LRBA: variants seen among roughly 807,000 people sequenced by gnomAD.
The protein encoded by LRBA is LPS responsive beige-like anchor protein.
Under a neutral mutation model 330.0 loss-of-function variants are expected in LRBA, and 176 were observed. That is an observed-to-expected ratio of 0.53 (90% confidence interval 0.47 to 0.60). The LOEUF (loss-of-function observed/expected upper bound fraction) is 0.60, where lower values mean the gene tolerates loss of function less well. Ranked by LOEUF, LRBA falls within the 20% of genes least tolerant of loss-of-function variation. The pLI, the probability that LRBA is intolerant of heterozygous loss-of-function variation, is 0.00. For synonymous variants in LRBA, 1,230 were observed against 1,193.0 expected (o/e 1.03, Z -0.64); for missense variants, 3,259 against 3,444.8 (o/e 0.95, Z 1.35).
chr4:151,014,898 T>C (rs1745253190), intron 1 of LRBA, 37 bp from the exon 2 acceptor site: 1 of 434,500 alleles, frequency 2.3e-6, no homozygotes, highest in Admixed American at 3.7e-5. Flanking sequence ...ATAGGCTAGG[T>C]TTTGTTTTAG....
chr4:150,579,804 C>T (rs1396337986), intron 40 of LRBA: 2 of 445,094 alleles, frequency 4.5e-6, no homozygotes, highest in Non-Finnish European at 9.1e-6. Context: ...ACCCCTGAGG[C>T]TGTTTGCAAA....
intron 2 of LRBA, among the ~76,000 whole-genome samples, chr4:150,962,461 T>C (rs1738254463): frequency 6.7e-6 from 1 of 148,972 alleles, no homozygotes; most frequent in African/African-American, 2.6e-5. Flanking sequence ...CCAGCTACAG[T>C]AAGCTGTGAT....
intron 52 of LRBA, among the ~76,000 whole-genome samples, chr4:150,309,069 G>C (rs1412513573): frequency 6.6e-6 from 1 of 152,000 alleles, no homozygotes; most frequent in Non-Finnish European, 1.5e-5. Flanking sequence ...TTCATTCATG[G>C]GAAGTGCCCT....
At chr4:150,825,957 C>A (rs1746202832) in intron 30 of LRBA, among the ~76,000 whole-genome samples, 1 of 151,984 alleles carries the variant, frequency 6.6e-6, no homozygotes, top group Admixed American at 6.6e-5. Context: ...ACTGCAGTGA[C>A]ACCAGGAGGC....
intron 37 of LRBA, among the ~76,000 whole-genome samples, chr4:150,643,296 G>A (rs1778849762): frequency 6.6e-6 from 1 of 151,614 alleles, no homozygotes; most frequent in African/African-American, 2.4e-5. Context: ...GTAAACAGAA[G>A]AAATTAGCAA....
At chr4:150,708,377 T>C (rs1366240432) in intron 36 of LRBA, among the ~76,000 whole-genome samples, 2 of 151,864 alleles carry the variant, frequency 1.3e-5, no homozygotes, top group Non-Finnish European at 3.0e-5. Context: ...AATTTATTTT[T>C]ATCTTTTCAA....
chr4:150,710,860 G>C (rs142755414), intron 36 of LRBA, among the ~76,000 whole-genome samples: 51 of 151,694 alleles, frequency 3.4e-4, no homozygotes, highest in African/African-American at 1.1e-3. Context: ...TACACTTTAC[G>C]TCTCTGCTTG....
intron 38 of LRBA, among the ~76,000 whole-genome samples, chr4:150,591,179 AG>A (rs1772783655): frequency 6.6e-6 from 1 of 152,218 alleles, no homozygotes; most frequent in Admixed American, 6.5e-5. Flanking sequence ...ATTCATTAAT[AG>A]GAACAATCAA....
intron 36 of LRBA, among the ~76,000 whole-genome samples, chr4:150,732,356 T>A (rs1470535073): frequency 6.6e-6 from 1 of 152,104 alleles, no homozygotes; most frequent in East Asian, 1.9e-4. Flanking sequence ...TGTAATTTTT[T>A]AATAGCTATG....
rs1169913201 is a variant in LRBA, at chr4:150,900,105, T to G, written c.1868A>C (p.Tyr623Ser). The G allele has an allele frequency of 3.7e-6, 6 of 1,613,362 alleles. No individual in the cohort carries two copies. Among genetic ancestry groups the G allele is most frequent in the Non-Finnish European group, 5.1e-6 (6 of 1,179,448 alleles). ...CTGAGGATTCACTGCCCAGTAGTAG[T>G]ACTTCAGCGTGTGCATGATGAGAAG... ...TVLLIMHTLK[Y>S]YYWAVNPQDR... is the part of the protein sequence containing the mutation. Residue 623 changes from tyrosine to serine, a missense_variant, in exon 14 of 57, where the codon TAC (tyrosine) becomes TCC (serine). Transcript: ENST00000651943.
At chr4:150,349,910 A>G in intron 48 of LRBA, 82 bp downstream of exon 48, 7 of 1,208,258 alleles carry the variant, frequency 5.8e-6, no homozygotes, top group Middle Eastern at 4.0e-4. Context: ...ACTAAAATCA[A>G]AGGATGGGGG....
intron 48 of LRBA, among the ~76,000 whole-genome samples, chr4:150,335,998 G>A (rs561226809): frequency 6.6e-6 from 1 of 152,338 alleles, no homozygotes; most frequent in African/African-American, 2.4e-5. Context: ...GCCTGGCGAA[G>A]CCACTGTGCT....
intron 47 of LRBA, among the ~76,000 whole-genome samples, chr4:150,388,973 T>A (rs964305488): frequency 1.3e-5 from 2 of 152,160 alleles, no homozygotes; most frequent in Admixed American, 1.3e-4. Context: ...AGTAGACAAG[T>A]CTGTTCTAGA....
At chr4:150,654,488 C>T (rs1262358117) in intron 37 of LRBA, among the ~76,000 whole-genome samples, 1 of 152,182 alleles carries the variant, frequency 6.6e-6, no homozygotes, top group Non-Finnish European at 1.5e-5. Context: ...TGTGCCCAGT[C>T]AAGAAGTCTA....
At chr4:150,853,343 T>C (rs1750842646) in intron 22 of LRBA, among the ~76,000 whole-genome samples, 1 of 152,210 alleles carries the variant, frequency 6.6e-6, no homozygotes, top group Non-Finnish European at 1.5e-5. Flanking sequence ...TCCCCAGGAC[T>C]TGTCCGCAGG....
intron 42 of LRBA, among the ~76,000 whole-genome samples, chr4:150,473,603 T>C (rs2152071214): frequency 6.6e-6 from 1 of 152,306 alleles, no homozygotes; most frequent in South Asian, 2.1e-4. Flanking sequence ...TCCTCTTGGA[T>C]AGCAGGAGCT....
At chr4:150,489,590 TA>T (rs1758601828) in intron 41 of LRBA, among the ~76,000 whole-genome samples, 2 of 12,596 alleles carry the variant, frequency 1.6e-4, no homozygotes, top group African/African-American at 2.1e-4. Flanking sequence ...TATAATATAT[TA>T]TATAAGAATA....
intron 46 of LRBA, chr4:150,423,129 A>AC: frequency 2.2e-6 from 2 of 914,022 alleles, no homozygotes; most frequent in Non-Finnish European, 3.7e-6. Context: ...CCAGGAAGCT[A>AC]CCACCACCAA....
intron 17 of LRBA, among the ~76,000 whole-genome samples, chr4:150,884,885 A>G (rs527326737): frequency 1.3e-5 from 2 of 152,292 alleles, no homozygotes; most frequent in South Asian, 4.1e-4. Flanking sequence ...GACTTGTAAT[A>G]AATTATATTC....
Sources: allele counts gnomAD v4.1 joint callset (sites outside exome capture counted in the v4.1 genomes callset), GRCh38; gene constraint gnomAD v4.1.1; transcripts MANE v1.5; gene names NCBI Gene and HGNC (gene_info 2026-07-23, HGNC 2026-07-21).